Variants in KCNQ1OT1 observed in about 807,000 individuals in gnomAD.
KCNQ1OT1 encodes KCNQ1 opposite strand/antisense transcript 1, also known as KCNQ1 antisense RNA 2 (non-protein coding).
chr11:2,688,623 G>A (rs1277731373), exon 1 of KCNQ1OT1: 3 of 398,632 alleles, frequency 7.5e-6, no homozygotes, highest in African/African-American at 6.2e-5. Context: ...CTGTGCCTGG[G>A]TGAGCTCTGG....
At position 2,648,466 on chromosome 11, in the gene KCNQ1OT1, G is replaced by T. The variant is rs116561080; in HGVS notation, n.51529C>A. The T allele has an allele frequency of 3.3e-3, 1,315 of 398,348 alleles. 13 individuals are homozygous for T. The highest frequency in any genetic ancestry group is 0.017 in the African/African-American group (841 of 48,698). 24.7% of individuals were successfully genotyped at this position (398,348 alleles called of 1,614,324 possible). ...TGTACCCTATACATTTTTGTATGCT[G>T]TGTTTCTATTTTCATTTGTTTCAAA... On this transcript the variant is annotated non_coding_transcript_exon_variant, in exon 1 of 1. Coordinates refer to ENST00000597346, the Ensembl canonical transcript of KCNQ1OT1.
chr11:2,687,616 C>T lies in KCNQ1OT1; in HGVS notation n.12379G>A. The T allele has an allele frequency of 2.5e-6, 1 of 398,770 alleles. No individual in the cohort carries two copies. The highest frequency in any genetic ancestry group is 3.6e-5 in the East Asian group (1 of 28,078). The allele number at this position is 398,770 out of a possible 1,614,324, so 24.7% of individuals were successfully genotyped here. ...AGAAAGGAAGGGGCAGAGATCCCTT[C>T]TCCATTCCTCTCAGGCCCCTGTAAA... is the stretch of plus-strand genomic sequence containing the variant. On this transcript the variant is annotated non_coding_transcript_exon_variant, in exon 1 of 1. Transcript: ENST00000597346. The surrounding 1 kb of genome is among the most constrained non-coding windows in gnomAD (Gnocchi z 5.0).
At chr11:2,619,119 A>C (rs1156419157) in exon 1 of KCNQ1OT1, 1 of 398,528 alleles carries the variant, frequency 2.5e-6, no homozygotes, top group African/African-American at 2.1e-5. Flanking sequence ...TGTCATCTTC[A>C]TATAAAGATA....
At position 2,687,687 on chromosome 11, in the gene KCNQ1OT1, T is replaced by A. The variant is rs1850514551; in HGVS notation, n.12308A>T. 3 of 398,646 alleles carry A rather than the reference T, an allele frequency of 7.5e-6. No homozygotes were observed. In the Admixed American group the frequency reaches 1.3e-4, roughly 18 times the overall value. The allele number at this position is 398,646 out of a possible 1,614,324, so 24.7% of individuals were successfully genotyped here. A position where few individuals can be genotyped will look rare whatever the true frequency, so the allele number is the denominator to read the frequency against. ...AGCCAGGTCTCAGGGAGCTCAGGGT[T>A]CAGTGTTGGAATGGGTCTGGGCCCA... On this transcript the variant is annotated non_coding_transcript_exon_variant, in exon 1 of 1. Transcript: ENST00000597346. This position sits in a 1 kb window ranked among gnomAD's most constrained non-coding sequence, Gnocchi z 5.0.
chr11:2,670,150 T>G lies in KCNQ1OT1; in HGVS notation n.29845A>C. 7.5e-6 allele frequency: 3 copies of G among 398,666 alleles called. No homozygotes were observed. Among genetic ancestry groups the G allele is most frequent in the Non-Finnish European group, 1.3e-5 (3 of 226,102 alleles). The allele number at this position is 398,666 out of a possible 1,614,324, so 24.7% of individuals were successfully genotyped here. ...TGCATCTGTCATTTGTTCTTATCAC[T>G]GTCGGGCCCATCTGCCAAGGCAAGC... On this transcript the variant is annotated non_coding_transcript_exon_variant, in exon 1 of 1. Coordinates refer to ENST00000597346, the Ensembl canonical transcript of KCNQ1OT1. The surrounding 1 kb of genome is among the most constrained non-coding windows in gnomAD (Gnocchi z 4.9).
chr11:2,643,743 G>GT (rs1406812113), exon 1 of KCNQ1OT1: 1 of 398,390 alleles, frequency 2.5e-6, no homozygotes, highest in African/African-American at 2.1e-5. Flanking sequence ...ACTTCTTCCT[G>GT]TAAGACTCCC....
chr11:2,694,769 C>G (rs2133896358), exon 1 of KCNQ1OT1: 1 of 398,354 alleles, frequency 2.5e-6, no homozygotes, highest in East Asian at 3.6e-5. Context: ...AAAAGCGTAG[C>G]CTGTGCTTTG....
chr11:2,649,118 G>T, exon 1 of KCNQ1OT1: 2 of 396,408 alleles, frequency 5.0e-6, no homozygotes, highest in Non-Finnish European at 8.9e-6. Context: ...GGTGAAGTCA[G>T]TTTCTTATAG....
exon 1 of KCNQ1OT1, chr11:2,667,245 C>A (rs1430052188): frequency 2.5e-6 from 1 of 398,652 alleles, no homozygotes; most frequent in Admixed American, 4.4e-5. Context: ...TCCGTCTGAG[C>A]ACGTGAGGAA....
chr11:2,611,564 T>G lies in KCNQ1OT1; in HGVS notation n.88431A>C, dbSNP rs940350319. 1.0e-5 allele frequency: 4 copies of G among 398,488 alleles called. No homozygotes were observed. The highest frequency in any genetic ancestry group is 8.2e-5 in the African/African-American group (4 of 48,636). The allele number at this position is 398,488 out of a possible 1,614,324, so 24.7% of individuals were successfully genotyped here. On this transcript the variant is annotated non_coding_transcript_exon_variant, in exon 1 of 1. Coordinates refer to ENST00000597346, the Ensembl canonical transcript of KCNQ1OT1. The surrounding 1 kb of genome is among the most constrained non-coding windows in gnomAD (Gnocchi z 5.3). ...TCTAGCTTTCTTATTACTGTTTGCATGTCATCTTTTTCCATCATTTTACTT... is the reference window on the plus strand; with the variant it reads ...TCTAGCTTTCTTATTACTGTTTGCAGGTCATCTTTTTCCATCATTTTACTT...
rs866652785 is a variant in KCNQ1OT1 at position 2,667,203 on chromosome 11, G to A, written n.32792C>T. On this transcript the variant is annotated non_coding_transcript_exon_variant, in exon 1 of 1. Transcript: ENST00000597346. ...ATCAGCCCAGCTGTGGCGGCCCCCC[G>A]TGGCCCCCTAACCTTTCCAAACTTC... 3.8e-5 allele frequency: 15 copies of A among 398,560 alleles called. 1 individual carries two copies. The South Asian group carries it at 5.1e-4, about 14-fold the overall frequency. 24.7% of individuals were successfully genotyped at this position (398,560 alleles called of 1,614,324 possible).
At chr11:2,644,034 C>T (rs1849624641) in exon 1 of KCNQ1OT1, 2 of 398,360 alleles carry the variant, frequency 5.0e-6, no homozygotes, top group Non-Finnish European at 8.8e-6. Context: ...ATGATTCTCT[C>T]TTTGTCTTGG....
At chr11:2,648,492 G>T (rs967330051) in exon 1 of KCNQ1OT1, 1 of 398,378 alleles carries the variant, frequency 2.5e-6, no homozygotes, top group Non-Finnish European at 4.4e-6. Flanking sequence ...TTGTTTCAAA[G>T]AATTTTTAAA....
rs1280831273 is a variant in KCNQ1OT1, at chr11:2,642,684, TCTTTC to T, written n.57306_57310del. 1 of 397,868 alleles carries T rather than the reference TCTTTC, an allele frequency of 2.5e-6. No individual in the cohort carries two copies. The highest frequency in any genetic ancestry group is 4.4e-6 in the Non-Finnish European group (1 of 225,726). 24.6% of individuals were successfully genotyped at this position (397,868 alleles called of 1,614,324 possible). On this transcript the variant is annotated non_coding_transcript_exon_variant, in exon 1 of 1. Transcript: ENST00000597346. The surrounding 1 kb of genome is among the most constrained non-coding windows in gnomAD (Gnocchi z 4.3). ...TAGTTCTGCTCTGATCTTCGTTATT[TCTTTC>T]CTTCTACTAATTTTATGTTTAGTAT...
chr11:2,681,987 T>A, exon 1 of KCNQ1OT1: 1 of 398,630 alleles, frequency 2.5e-6, no homozygotes, highest in Non-Finnish European at 4.4e-6. Flanking sequence ...AATATAGACA[T>A]CATTTCACTA....
Position 2,695,316 on chromosome 11 carries a change from TTATTTA to T in KCNQ1OT1, n.4673_4678del, listed in dbSNP as rs1850655149. 2.5e-6 allele frequency: 1 copy of T among 395,380 alleles called. No individual in the cohort carries two copies. The highest frequency in any genetic ancestry group is 2.1e-5 in the African/African-American group (1 of 47,338). The allele number at this position is 395,380 out of a possible 1,614,324, so 24.5% of individuals were successfully genotyped here. On this transcript the variant is annotated non_coding_transcript_exon_variant, in exon 1 of 1. Transcript: ENST00000597346. This position sits in a 1 kb window ranked among gnomAD's most constrained non-coding sequence, Gnocchi z 5.2. ...ACACAAACAGCTTCTCCAGGGTAAT[TTATTTA>T]TATCATTGTGTGTGTGTGTGTGCAC...
At position 2,621,652 on chromosome 11, in the gene KCNQ1OT1, T is replaced by G; in HGVS notation, n.78343A>C. 2.5e-6 allele frequency: 1 copy of G among 398,544 alleles called. No individual in the cohort carries two copies. The highest frequency in any genetic ancestry group is 2.1e-5 in the African/African-American group (1 of 48,766). 24.7% of individuals were successfully genotyped at this position (398,544 alleles called of 1,614,324 possible). A position where few individuals can be genotyped will look rare whatever the true frequency, so the allele number is the denominator to read the frequency against. On this transcript the variant is annotated non_coding_transcript_exon_variant, in exon 1 of 1. Coordinates refer to ENST00000597346, the Ensembl canonical transcript of KCNQ1OT1. This position sits in a 1 kb window ranked among gnomAD's most constrained non-coding sequence, Gnocchi z 5.7. ...AGGAATTTGTCCATTTCCTCTAGGT[T>G]ATCCAATTTGTTGGGATATAATTGT...
chr11:2,639,635 TC>T (rs1437386871), exon 1 of KCNQ1OT1: 1 of 152,338 alleles, frequency 6.6e-6, no homozygotes, highest in Non-Finnish European at 1.5e-5. Flanking sequence ...GGGGAGTGCC[TC>T]CCAGTTAGGC....
chr11:2,661,446 G>A lies in KCNQ1OT1; in HGVS notation n.38549C>T, dbSNP rs231364. The A allele has an allele frequency of 0.08, 35,270 of 438,848 alleles. 1,680 individuals are homozygous for A. The highest frequency in any genetic ancestry group is 0.15 in the Middle Eastern group (261 of 1,750). The allele number at this position is 438,848 out of a possible 1,614,324, so 27.2% of individuals were successfully genotyped here. On this transcript the variant is annotated non_coding_transcript_exon_variant, in exon 1 of 1. Coordinates refer to ENST00000597346, the Ensembl canonical transcript of KCNQ1OT1. This position sits in a 1 kb window ranked among gnomAD's most constrained non-coding sequence, Gnocchi z 5.9. ...GTACAACTGGTTGATGTAGCATCGT[G>A]TTTTGAGGAAGGAGTTCTGTGGCTG... is the stretch of plus-strand genomic sequence containing the variant.
Sources: gnomAD v4.1 joint callset for allele counts on GRCh38, gnomAD v4.1.1 for gene constraint, Gnocchi (gnomAD v3.1) non-coding constraint, MANE v1.5 for transcripts, NCBI Gene and HGNC (gene_info 2026-07-23, HGNC 2026-07-21) for gene names.